Variants in CSMD3 observed in about 807,000 individuals in gnomAD.
The protein encoded by CSMD3 is CUB and Sushi multiple domains 3, also known as CUB and sushi domain-containing protein 3.
Under a neutral mutation model 435.2 loss-of-function variants are expected in CSMD3, and 177 were observed. The observed-to-expected ratio is 0.41, with a 90% CI of 0.36 to 0.46. The LOEUF (loss-of-function observed/expected upper bound fraction) is 0.46. CSMD3 is among the 20% of genes least tolerant of loss of function. The pLI, the probability that CSMD3 is intolerant of heterozygous loss-of-function variation, is 0.34. For synonymous variants in CSMD3, 1,656 were observed against 1,520.5 expected (o/e 1.09, Z -2.07); for missense variants, 4,265 against 4,504.6 (o/e 0.95, Z 1.52).
intron 9 of CSMD3, among the ~76,000 whole-genome samples, chr8:112,922,482 T>TA (rs2082774652): frequency 6.6e-6 from 1 of 151,886 alleles, no homozygotes; most frequent in South Asian, 2.1e-4. Context: ...TTTCTTTTTT[T>TA]ACCCATTAAC....
At position 112,237,377 on chromosome 8, in the gene CSMD3, T is replaced by A. The variant is rs1439032405; in HGVS notation, c.10469-29A>T. 3.4e-6 allele frequency: 5 copies of A among 1,483,420 alleles called. No individual in the cohort carries two copies. In the Admixed American group the frequency reaches 6.7e-5, roughly 20 times the overall value. The allele number at this position is 1,483,420 out of a possible 1,614,324, so 91.9% of individuals were successfully genotyped here. ...TGAATAGATTAAATATACCACACAT[T>A]AATTTTACAATGCCATATAAATATA... is the stretch of plus-strand genomic sequence containing the variant. On this transcript the variant is annotated intron_variant, in intron 66 of 70. Coordinates refer to ENST00000297405, the MANE Select transcript of CSMD3 (RefSeq NM_198123.2).
At chr8:112,292,156 CAT>C (rs1563746972) in intron 55 of CSMD3, among the ~76,000 whole-genome samples, 1 of 151,948 alleles carries the variant, frequency 6.6e-6, no homozygotes, top group African/African-American at 2.4e-5. Flanking sequence ...GCCAGGCCCA[CAT>C]ATAGTTTTCA....
intron 11 of CSMD3, among the ~76,000 whole-genome samples, chr8:112,832,715 C>T (rs373972350): frequency 1.6e-4 from 25 of 152,204 alleles, no homozygotes; most frequent in South Asian, 4.1e-4. Context: ...GATTTCACCC[C>T]GGTACAACCT....
At chr8:112,898,862 C>T (rs1290291995) in intron 10 of CSMD3, among the ~76,000 whole-genome samples, 1 of 151,040 alleles carries the variant, frequency 6.6e-6, no homozygotes, top group Admixed American at 6.6e-5. Context: ...CTTTGTTGGA[C>T]AACACCAAGG....
chr8:113,219,117 C>A (rs913488122), intron 3 of CSMD3, among the ~76,000 whole-genome samples: 2 of 151,284 alleles, frequency 1.3e-5, no homozygotes, highest in Non-Finnish European at 3.0e-5. Context: ...AAATCAATAT[C>A]TTATTTAAAG....
intron 46 of CSMD3, 92 bp from the exon 47 acceptor site, chr8:112,319,042 T>A: frequency 1.3e-6 from 1 of 786,682 alleles, no homozygotes; most frequent in Non-Finnish European, 2.2e-6. Flanking sequence ...ATTTTCTCCT[T>A]TAGTTATTTT....
chr8:112,801,985 A>G (rs1035007059), intron 12 of CSMD3, among the ~76,000 whole-genome samples: 1 of 151,970 alleles, frequency 6.6e-6, no homozygotes, highest in Non-Finnish European at 1.5e-5. Context: ...CTAGAATGGT[A>G]TTTTGTCAGT....
At chr8:112,627,119 A>G (rs927621580) in intron 22 of CSMD3, among the ~76,000 whole-genome samples, 4 of 152,168 alleles carry the variant, frequency 2.6e-5, no homozygotes, top group Admixed American at 2.6e-4. Flanking sequence ...ATATTAAGCT[A>G]AAAACCAAAA....
At chr8:112,997,958 T>A (rs1470622612) in intron 6 of CSMD3, among the ~76,000 whole-genome samples, 2 of 151,126 alleles carry the variant, frequency 1.3e-5, no homozygotes, top group African/African-American at 4.8e-5. Context: ...CCTCTATATG[T>A]CTCATTTCAT....
chr8:112,907,234 G>A lies in CSMD3; in HGVS notation c.1633+14393C>T, dbSNP rs191953323. On this transcript the variant is annotated intron_variant, in intron 10 of 70. Coordinates refer to ENST00000297405, the MANE Select transcript of CSMD3 (RefSeq NM_198123.2). The stretch of plus-strand genomic sequence containing the variant: ...AAGGCCAAACATCTTATGTATGCTG[G>A]GACTGACAGTCTTATTTCCAAGTAA... 1.5e-3 allele frequency among the ~76,000 whole-genome samples: 233 copies of A among 151,470 alleles called. 1 individual carries two copies. The highest frequency in any genetic ancestry group is 0.01 in the Middle Eastern group (3 of 290).
intron 35 of CSMD3, among the ~76,000 whole-genome samples, chr8:112,398,643 T>C (rs750460571): frequency 2.6e-5 from 4 of 152,178 alleles, no homozygotes; most frequent in Non-Finnish European, 5.9e-5. Flanking sequence ...GCCAAGCAGC[T>C]GTGTGACAGA....
chr8:113,056,682 G>C (rs974872301), intron 5 of CSMD3, among the ~76,000 whole-genome samples: 1 of 152,130 alleles, frequency 6.6e-6, no homozygotes. Flanking sequence ...AAATGCATCT[G>C]ATTTTGTTTT....
At chr8:113,229,819 CAGAT>C (rs1197385468) in intron 3 of CSMD3, among the ~76,000 whole-genome samples, 5 of 151,622 alleles carry the variant, frequency 3.3e-5, no homozygotes, top group Non-Finnish European at 5.9e-5. Context: ...CTCCCAGTCT[CAGAT>C]AGGTTACTTG....
chr8:113,359,461 G>A (rs192270665), intron 1 of CSMD3, among the ~76,000 whole-genome samples: 21 of 152,276 alleles, frequency 1.4e-4, no homozygotes, highest in Non-Finnish European at 2.4e-4. Context: ...GAAACAGAGC[G>A]GGGGCAAATT....
chr8:112,318,406 T>C (rs568923342), intron 47 of CSMD3, among the ~76,000 whole-genome samples: 2 of 152,204 alleles, frequency 1.3e-5, no homozygotes, highest in South Asian at 4.1e-4. Flanking sequence ...TTTTTGTTAC[T>C]CTGCTTGTTT....
At chr8:112,973,879 T>A (rs2130922325) in intron 7 of CSMD3, among the ~76,000 whole-genome samples, 1 of 152,016 alleles carries the variant, frequency 6.6e-6, no homozygotes, top group African/African-American at 2.4e-5. Flanking sequence ...GATAAAAGTA[T>A]AACAATTTAA....
intron 3 of CSMD3, among the ~76,000 whole-genome samples, chr8:113,272,885 G>T (rs753524883): frequency 1.1e-4 from 16 of 151,976 alleles, no homozygotes; most frequent in Non-Finnish European, 2.2e-4. Context: ...AACAGGGGTT[G>T]GTTCATGGGT....
intron 7 of CSMD3, among the ~76,000 whole-genome samples, chr8:112,961,823 C>A (rs1413385487): frequency 6.6e-6 from 1 of 151,868 alleles, no homozygotes; most frequent in Non-Finnish European, 1.5e-5. Context: ...ATTCAGGAAA[C>A]CATAGCACTT....
chr8:112,665,200 C>T (rs1369073985), intron 17 of CSMD3, among the ~76,000 whole-genome samples: 1 of 152,096 alleles, frequency 6.6e-6, no homozygotes, highest in Admixed American at 6.6e-5. Context: ...TTCTTTATGT[C>T]ACTTCCTTTT....
Sources: allele counts gnomAD v4.1 joint callset (sites outside exome capture counted in the v4.1 genomes callset), GRCh38; gene constraint gnomAD v4.1.1; transcripts MANE v1.5; gene names NCBI Gene and HGNC (gene_info 2026-07-23, HGNC 2026-07-21).